ROBO1: variants seen among roughly 807,000 people sequenced by gnomAD.
ROBO1 encodes roundabout homolog 1.
In ROBO1, 149 loss-of-function variants were observed where a neutral mutation model predicts 195.9. That is an observed-to-expected ratio of 0.76 (90% confidence interval 0.67 to 0.87). The LOEUF (loss-of-function observed/expected upper bound fraction) is 0.87. ROBO1 is among the 40% of genes least tolerant of loss of function. The pLI is 0.00. For missense variants in ROBO1, 1,933 were observed against 2,068.3 expected, an observed-to-expected ratio of 0.93 and a Z score of 1.27; for synonymous variants, 816 against 733.2, an observed-to-expected ratio of 1.11 and a Z score of -1.82.
At chr3:79,635,817 G>A (rs1000234995) in intron 1 of ROBO1, among the ~76,000 whole-genome samples, 2 of 152,080 alleles carry the variant, frequency 1.3e-5, no homozygotes, top group African/African-American at 4.8e-5. Flanking sequence ...ATTGCACTTA[G>A]TTAGATAAAC....
intron 2 of ROBO1, among the ~76,000 whole-genome samples, chr3:79,278,281 T>C (rs72626536): frequency 6.6e-6 from 1 of 152,062 alleles, no homozygotes; most frequent in African/African-American, 2.4e-5. Context: ...ATCAACATAC[T>C]AATGGCATTC....
intron 2 of ROBO1, among the ~76,000 whole-genome samples, chr3:79,334,898 G>A (rs2109192723): frequency 6.6e-6 from 1 of 152,018 alleles, no homozygotes; most frequent in Admixed American, 6.5e-5. Flanking sequence ...CTGAGGCCAG[G>A]AGTTTGAGAC....
chr3:79,720,314 C>G (rs1314625929), intron 1 of ROBO1, among the ~76,000 whole-genome samples: 1 of 152,106 alleles, frequency 6.6e-6, no homozygotes, highest in Non-Finnish European at 1.5e-5. Flanking sequence ...TGAGTAGGTG[C>G]TCTGGTTTTC....
intron 26 of ROBO1, among the ~76,000 whole-genome samples, chr3:78,627,045 T>C (rs942388453): frequency 2.0e-5 from 3 of 152,190 alleles, no homozygotes; most frequent in African/African-American, 4.8e-5. Context: ...GCAAACCATA[T>C]ACATGATCTC....
chr3:79,682,950 A>G (rs1576225049), intron 1 of ROBO1, among the ~76,000 whole-genome samples: 1 of 148,322 alleles, frequency 6.7e-6, no homozygotes, highest in South Asian at 2.2e-4. Context: ...CAAATTTATG[A>G]TCTCATTCAG....
chr3:79,058,229 A>G (rs1355655965), intron 3 of ROBO1, among the ~76,000 whole-genome samples: 1 of 152,104 alleles, frequency 6.6e-6, no homozygotes, highest in Non-Finnish European at 1.5e-5. Flanking sequence ...GTTTAGTAAT[A>G]GACATGGCAC....
rs901895248 is a variant in ROBO1, at chr3:79,061,199, C to T, written c.172+64257G>A. On this transcript the variant is annotated intron_variant, in intron 3 of 30. Coordinates refer to ENST00000464233, the MANE Select transcript of ROBO1 (RefSeq NM_002941.4). Reference sequence around the variant, plus strand: ...TGCAAAAATCACAAGCACTCCTATACGCTAATAACAGACAAACACAGAGCC... The same window carrying T: ...TGCAAAAATCACAAGCACTCCTATATGCTAATAACAGACAAACACAGAGCC... Among the ~76,000 whole-genome samples, 9 of 152,108 alleles carry T rather than the reference C, an allele frequency of 5.9e-5. No homozygotes were observed. The South Asian group carries it at 1.0e-3, about 17-fold the overall frequency.
At chr3:79,556,637 A>C (rs1399226730) in intron 2 of ROBO1, among the ~76,000 whole-genome samples, 1 of 151,970 alleles carries the variant, frequency 6.6e-6, no homozygotes, top group African/African-American at 2.4e-5. Flanking sequence ...TATGTATTAT[A>C]TTGTATATAT....
chr3:79,225,449 C>T (rs2082210620), intron 2 of ROBO1, among the ~76,000 whole-genome samples: 2 of 152,192 alleles, frequency 1.3e-5, no homozygotes, highest in Admixed American at 1.3e-4. Flanking sequence ...CACTTGCACA[C>T]ACATTTGCCG....
At chr3:79,586,997 G>T (rs1560017285) in intron 2 of ROBO1, among the ~76,000 whole-genome samples, 1 of 151,846 alleles carries the variant, frequency 6.6e-6, no homozygotes, top group East Asian at 1.9e-4. Flanking sequence ...GGCTCAACAT[G>T]CAATGAAAGC....
At chr3:78,890,955 A>G (rs2036854798) in intron 4 of ROBO1, among the ~76,000 whole-genome samples, 2 of 152,096 alleles carry the variant, frequency 1.3e-5, no homozygotes, top group South Asian at 2.1e-4. Context: ...GAGTCTTGTT[A>G]TGTTGCTCAG....
intron 3 of ROBO1, among the ~76,000 whole-genome samples, chr3:79,008,227 T>C (rs2108186998): frequency 6.6e-6 from 1 of 152,316 alleles, no homozygotes; most frequent in African/African-American, 2.4e-5. Context: ...CTAATGTAAA[T>C]CGACATTTCA....
chr3:78,931,965 A>T (rs867699260), intron 4 of ROBO1, among the ~76,000 whole-genome samples: 2 of 152,230 alleles, frequency 1.3e-5, no homozygotes, highest in South Asian at 4.1e-4. Flanking sequence ...ACACAGTAAG[A>T]TCCTGTCTCA....
At chr3:78,968,271 CTTTTTTTTT>C (rs35361494) in intron 3 of ROBO1, among the ~76,000 whole-genome samples, 1 of 119,462 alleles carries the variant, frequency 8.4e-6, no homozygotes, top group Non-Finnish European at 1.7e-5. Context: ...TGTATAGATT[CTTTTTTTTT>C]TTTTTTTTTT....
chr3:79,682,831 A>T (rs1946988963), intron 1 of ROBO1, among the ~76,000 whole-genome samples: 1 of 152,108 alleles, frequency 6.6e-6, no homozygotes, highest in East Asian at 1.9e-4. Context: ...AATGTTCATG[A>T]AGTTAGCCAG....
At chr3:79,517,826 C>A (rs1012045734) in intron 2 of ROBO1, among the ~76,000 whole-genome samples, 5 of 152,162 alleles carry the variant, frequency 3.3e-5, no homozygotes, top group Admixed American at 6.5e-5. Flanking sequence ...AACTCTGTGG[C>A]AGTCTCATTC....
At chr3:79,226,815 G>C (rs2082235863) in intron 2 of ROBO1, among the ~76,000 whole-genome samples, 1 of 152,008 alleles carries the variant, frequency 6.6e-6, no homozygotes, top group African/African-American at 2.4e-5. Flanking sequence ...CCGAAGTGCT[G>C]GGATTACAGG....
chr3:78,605,799 G>A lies in ROBO1; in HGVS notation c.4744+934C>T, dbSNP rs530988974. ...CTGGTTAATACAATCATGTTTCACTGGTCATTCAGGGCCACCTAGTCAACC... is the reference window on the plus strand; with the variant it reads ...CTGGTTAATACAATCATGTTTCACTAGTCATTCAGGGCCACCTAGTCAACC... On this transcript the variant is annotated intron_variant, in intron 29 of 30. Transcript: ENST00000464233. Among the ~76,000 whole-genome samples the A allele has an allele frequency of 2.0e-5, 3 of 152,060 alleles. No homozygotes were observed. The South Asian group carries it at 6.2e-4, about 32-fold the overall frequency.
At chr3:78,758,142 G>T (rs2082987392) in intron 4 of ROBO1, among the ~76,000 whole-genome samples, 1 of 152,188 alleles carries the variant, frequency 6.6e-6, no homozygotes, top group Admixed American at 6.5e-5. Flanking sequence ...TAAGGTACTT[G>T]AGATTAAATT....
Sources: gnomAD v4.1 joint callset for allele counts (sites outside exome capture counted in the v4.1 genomes callset) on GRCh38, gnomAD v4.1.1 for gene constraint, MANE v1.5 for transcripts, NCBI Gene and HGNC (gene_info 2026-07-23, HGNC 2026-07-21) for gene names.